USH2A: variants seen among roughly 807,000 people sequenced by gnomAD.
USH2A encodes Usher syndrome 2A (autosomal recessive, mild).
USH2A carries 443 observed loss-of-function variants against 538.9 expected under a neutral mutation model. The ratio of observed to expected loss-of-function variants is 0.82; its 90% confidence interval spans 0.76 to 0.89. The LOEUF (loss-of-function observed/expected upper bound fraction) is 0.89, where lower values mean the gene tolerates loss of function less well. Among genes scored for constraint, USH2A ranks in the 40% least tolerant of loss-of-function variants. USH2A has a pLI of 0.00. For missense variants in USH2A, 6,633 were observed against 6,324.8 expected, an observed-to-expected ratio of 1.05 and a Z score of -1.65; for synonymous variants, 2,413 against 2,273.5, an observed-to-expected ratio of 1.06 and a Z score of -1.75.
chr1:216,299,758 C>CT (rs138169786), intron 9 of USH2A, among the ~76,000 whole-genome samples: 381 of 152,154 alleles, frequency 2.5e-3, no homozygotes, highest in African/African-American at 8.8e-3. Flanking sequence ...TTTTCAACTA[C>CT]TATGTAAGCT....
rs563209282 is a variant in USH2A at position 216,374,544 on chromosome 1, A to G, written c.652-9459T>C. On this transcript the variant is annotated intron_variant, in intron 3 of 71. Transcript: ENST00000307340. The stretch of plus-strand genomic sequence containing the variant: ...TGCCAGGCTTCCACACTGTAAAAAT[A>G]CAATTTTCCCCTTTGCAATTAGCAA... Among the ~76,000 whole-genome samples the G allele has an allele frequency of 3.9e-5, 6 of 152,304 alleles. No individual in the cohort carries two copies. In the South Asian group the frequency reaches 6.2e-4, roughly 16 times the overall value.
chr1:216,151,160 C>T (rs550802218), intron 21 of USH2A, among the ~76,000 whole-genome samples: 141 of 152,246 alleles, frequency 9.3e-4, no homozygotes, highest in African/African-American at 3.3e-3. Flanking sequence ...TCCCCCTCTA[C>T]GCAGTTACCC....
At chr1:215,941,403 C>T (rs1351413308) in intron 37 of USH2A, among the ~76,000 whole-genome samples, 1 of 152,054 alleles carries the variant, frequency 6.6e-6, no homozygotes, top group Non-Finnish European at 1.5e-5. Flanking sequence ...TCTATTTTTA[C>T]TAACCATATA....
At chr1:216,299,281 A>G (rs1010449022) in intron 9 of USH2A, among the ~76,000 whole-genome samples, 2 of 151,708 alleles carry the variant, frequency 1.3e-5, no homozygotes, top group Non-Finnish European at 1.5e-5. Flanking sequence ...AAAAAAAAAA[A>G]GGCTAACATT....
chr1:216,388,524 C>T (rs1004331191), intron 3 of USH2A, among the ~76,000 whole-genome samples: 1 of 152,114 alleles, frequency 6.6e-6, no homozygotes, highest in Non-Finnish European at 1.5e-5. Flanking sequence ...ATTACAAATA[C>T]ATAAGGGAAT....
intron 64 of USH2A, among the ~76,000 whole-genome samples, chr1:215,658,481 G>A (rs1443915969): frequency 6.6e-6 from 1 of 152,122 alleles, no homozygotes. Context: ...AGAAATTTAT[G>A]CAACTTGGTA....
intron 4 of USH2A, among the ~76,000 whole-genome samples, chr1:216,336,420 A>G (rs1434202982): frequency 2.0e-5 from 3 of 151,228 alleles, no homozygotes; most frequent in Non-Finnish European, 3.0e-5. Flanking sequence ...AGGCAAGCAG[A>G]AGAAATAAAT....
chr1:215,635,543 A>T (rs1656451503), intron 69 of USH2A, among the ~76,000 whole-genome samples: 1 of 148,888 alleles, frequency 6.7e-6, no homozygotes, highest in South Asian at 2.1e-4. Flanking sequence ...TTATTTATTT[A>T]TTTATTTATT....
intron 61 of USH2A, among the ~76,000 whole-genome samples, chr1:215,726,832 T>C (rs1383359968): frequency 6.6e-6 from 1 of 152,214 alleles, no homozygotes; most frequent in East Asian, 1.9e-4. Flanking sequence ...CTCTCTCTTG[T>C]ACTGTGGTTT....
At chr1:216,127,851 C>T (rs2033286612) in intron 21 of USH2A, among the ~76,000 whole-genome samples, 1 of 152,106 alleles carries the variant, frequency 6.6e-6, no homozygotes, top group Non-Finnish European at 1.5e-5. Context: ...TATAAAGCAT[C>T]AGTATGGCAG....
At chr1:216,324,842 G>A (rs2037696908) in intron 6 of USH2A, among the ~76,000 whole-genome samples, 1 of 152,066 alleles carries the variant, frequency 6.6e-6, no homozygotes, top group South Asian at 2.1e-4. Context: ...TTTTCACCTT[G>A]TAGTGGGTTG....
chr1:216,401,813 C>T (rs1457564022), intron 3 of USH2A, among the ~76,000 whole-genome samples: 1 of 151,982 alleles, frequency 6.6e-6, no homozygotes, highest in Non-Finnish European at 1.5e-5. Context: ...AAGACTGATA[C>T]AGCTGAAAGG....
At chr1:215,969,478 C>T (rs1667437714) in intron 36 of USH2A, among the ~76,000 whole-genome samples, 1 of 152,100 alleles carries the variant, frequency 6.6e-6, no homozygotes, top group Non-Finnish European at 1.5e-5. Context: ...GCCAGAACTA[C>T]CATTTGCAGC....
At position 216,175,336 on chromosome 1, in the gene USH2A, T is replaced by C. The variant is rs141671082; in HGVS notation, c.4543A>G (p.Thr1515Ala). Residue 1515 changes from threonine to alanine, a missense_variant, in exon 21 of 72, where the codon ACG becomes GCG. By Grantham distance (58) the Thr-to-Ala change is moderately conservative (BLOSUM62 0). Coordinates refer to ENST00000307340, the MANE Select transcript of USH2A (RefSeq NM_206933.4). ...RESSLPALMT[T>A]MMKGIRFIGN... is the part of the protein sequence containing the mutation. ...ATGAAACGGATTCCTTTCATCATCG[T>C]GGTCATCAGAGCTGGTAGAGATGAC... The C allele has an allele frequency of 5.4e-4, 875 of 1,613,848 alleles. 5 individuals carry two copies. In the African/African-American group the frequency reaches 0.011, roughly 20 times the overall value.
At chr1:215,631,935 AC>A (rs1164785288) in intron 70 of USH2A, among the ~76,000 whole-genome samples, 1 of 152,046 alleles carries the variant, frequency 6.6e-6, no homozygotes, top group Non-Finnish European at 1.5e-5. Flanking sequence ...TCTAACCAGC[AC>A]CCTCCCACCA....
At chr1:215,996,884 TAA>T (rs1188420893) in intron 34 of USH2A, among the ~76,000 whole-genome samples, 1 of 152,118 alleles carries the variant, frequency 6.6e-6, no homozygotes, top group East Asian at 1.9e-4. Flanking sequence ...AAGCCTAGGG[TAA>T]ATCATAGTGG....
At chr1:216,409,419 G>C (rs576065413) in intron 3 of USH2A, among the ~76,000 whole-genome samples, 2 of 151,918 alleles carry the variant, frequency 1.3e-5, no homozygotes, top group Admixed American at 6.6e-5. Flanking sequence ...AGCCCAAATA[G>C]ACAGAGAATC....
At chr1:215,976,838 G>A (rs923552251) in intron 35 of USH2A, among the ~76,000 whole-genome samples, 6 of 152,078 alleles carry the variant, frequency 3.9e-5, no homozygotes, top group African/African-American at 1.4e-4. Flanking sequence ...TCTTTGACAA[G>A]TTTTGCTATC....
intron 18 of USH2A, among the ~76,000 whole-genome samples, chr1:216,198,097 C>A (rs1319011377): frequency 6.6e-6 from 1 of 152,084 alleles, no homozygotes; most frequent in Non-Finnish European, 1.5e-5. Context: ...GAATTAATAA[C>A]TAAAGCATTT....
Sources: allele counts gnomAD v4.1 joint callset (sites outside exome capture counted in the v4.1 genomes callset), GRCh38; gene constraint gnomAD v4.1.1; transcripts MANE v1.5; gene names NCBI Gene and HGNC (gene_info 2026-07-23, HGNC 2026-07-21).